LTBP3: variants seen among roughly 807,000 people sequenced by gnomAD.
LTBP3 encodes latent-transforming growth factor beta-binding protein 3.
Under a neutral mutation model 159.7 loss-of-function variants are expected in LTBP3, and 97 were observed. The observed-to-expected ratio is 0.61, with a 90% CI of 0.52 to 0.72. The LOEUF is 0.72. Ranked by LOEUF, LTBP3 falls within the 30% of genes least tolerant of loss-of-function variation. The pLI is 0.00. For missense variants in LTBP3, 1,584 were observed against 1,864.3 expected (o/e 0.85, Z 2.77); for synonymous variants, 824 against 777.1 (o/e 1.06, Z -1.00).
rs1313451364 is a variant in LTBP3, at chr11:65,557,989, GCGCGCCCGGGCGGGGCGAGGGGCC to G, written c.-54_-31del. 2 of 1,117,276 alleles carry G rather than the reference GCGCGCCCGGGCGGGGCGAGGGGCC, an allele frequency of 1.8e-6. No individual in the cohort carries two copies. The highest frequency in any genetic ancestry group is 1.7e-5 in the African/African-American group (1 of 60,338). 69.2% of individuals were successfully genotyped at this position (1,117,276 alleles called of 1,614,324 possible). On this transcript the variant is annotated 5_prime_UTR_variant, in exon 1 of 28. Transcript: ENST00000301873. Reference sequence around the variant, plus strand: ...GGCCGCAGGACCCGGGGGAGGGGGGGCGCGCCCGGGCGGGGCGAGGGGCCCGCGCCCGAAGGGAGTAGAGGGCCG... The same window carrying G: ...GGCCGCAGGACCCGGGGGAGGGGGGGCGCGCCCGAAGGGAGTAGAGGGCCG...
At chr11:65,555,590 G>C (rs1467197963) in intron 1 of LTBP3, among the ~76,000 whole-genome samples, 3 of 152,148 alleles carry the variant, frequency 2.0e-5, no homozygotes, top group African/African-American at 7.2e-5. Flanking sequence ...CCTTATAGAG[G>C]GTGCTCTGGA....
rs1856610718 is a variant in LTBP3, at chr11:65,551,489, A to G, written c.1549-15T>C. 1 of 1,614,090 alleles carries G rather than the reference A, an allele frequency of 6.2e-7. No homozygotes were observed. Among genetic ancestry groups the G allele is most frequent in the African/African-American group, 1.3e-5 (1 of 75,022 alleles). On this transcript the variant is annotated splice_polypyrimidine_tract_variant and intron_variant, in intron 9 of 27. Transcript: ENST00000301873. The stretch of plus-strand genomic sequence containing the variant: ...TCACTCACCGGCTGCGGGTGACAGC[A>G]GCATGAGCCCTCCTGTCCCTCGCCT...
chr11:65,544,179 T>C (rs1403688568), intron 16 of LTBP3: 3 of 162,676 alleles, frequency 1.8e-5, no homozygotes, highest in Non-Finnish European at 2.7e-5. Flanking sequence ...TTCCGTGACC[T>C]TCCCCTCACT....
intron 16 of LTBP3, chr11:65,543,947 C>T: frequency 3.1e-6 from 1 of 321,770 alleles, no homozygotes; most frequent in South Asian, 2.7e-5. Flanking sequence ...TTTCCTGAGG[C>T]CTCTCTGATG....
rs947582614 is a variant in LTBP3 at position 65,554,438 on chromosome 11, C to T, written c.332-58G>A. ...ACATCCTGTCTCTTTCCCCTCCTCC[C>T]TACTTCCTTGCCACCCACTGGCTCT... On this transcript the variant is annotated intron_variant, in intron 1 of 27. Transcript: ENST00000301873. This position sits in a 1 kb window ranked among gnomAD's most constrained non-coding sequence, Gnocchi z 5.3. The T allele has an allele frequency of 1.4e-6, 2 of 1,430,826 alleles. No individual in the cohort carries two copies. Among genetic ancestry groups the T allele is most frequent in the Non-Finnish European group, 1.9e-6 (2 of 1,040,732 alleles). The allele number at this position is 1,430,826 out of a possible 1,614,324, so 88.6% of individuals were successfully genotyped here. A position where few individuals can be genotyped will look rare whatever the true frequency, so the allele number is the denominator to read the frequency against.
rs770883202 is a variant in LTBP3 at position 65,552,737 on chromosome 11, T to C, written c.1186+123A>G. The C allele has an allele frequency of 7.0e-7, 1 of 1,419,304 alleles. No individual in the cohort carries two copies. Among genetic ancestry groups the C allele is most frequent in the East Asian group, 2.3e-5 (1 of 43,156 alleles). 87.9% of individuals were successfully genotyped at this position (1,419,304 alleles called of 1,614,324 possible). A position where few individuals can be genotyped will look rare whatever the true frequency, so the allele number is the denominator to read the frequency against. On this transcript the variant is annotated intron_variant, in intron 6 of 27. Coordinates refer to ENST00000301873, the MANE Select transcript of LTBP3 (RefSeq NM_001130144.3). The surrounding 1 kb of genome is among the most constrained non-coding windows in gnomAD (Gnocchi z 6.0). ...CGGACCCTGCTGATCCCTGATCCTA[T>C]TGGCTCTGGGCCTTGTTCCTCCTGC...
At chr11:65,541,006 CGT>C (rs757881790) in intron 20 of LTBP3, 52 bp from the exon 21 acceptor site, 1 of 1,592,154 alleles carries the variant, frequency 6.3e-7, no homozygotes, top group Non-Finnish European at 8.6e-7. Context: ...TGAGCGCGCG[CGT>C]GGGCTTAGGG....
In LTBP3 at chr11:65,551,767, G is replaced by T. The variant is rs982318249; in HGVS notation, c.1532-203C>A. 34 of 896,900 alleles carry T rather than the reference G, an allele frequency of 3.8e-5. No homozygotes were observed. The Middle Eastern group carries it at 1.0e-3, about 26-fold the overall frequency. The allele number at this position is 896,900 out of a possible 1,614,324, so 55.6% of individuals were successfully genotyped here. On this transcript the variant is annotated intron_variant, in intron 8 of 27. Coordinates refer to ENST00000301873, the MANE Select transcript of LTBP3 (RefSeq NM_001130144.3). ...TCAGGTTGAATGGCCTTGGGTTACAGGTCAGGCTGTAGAAGGCTTAGGAGG... is the reference window on the plus strand; with the variant it reads ...TCAGGTTGAATGGCCTTGGGTTACATGTCAGGCTGTAGAAGGCTTAGGAGG...
chr11:65,539,127 C>T lies in LTBP3; in HGVS notation c.3865G>A (p.Ala1289Thr), dbSNP rs1176379857. The T allele has an allele frequency of 1.0e-5, 15 of 1,479,882 alleles. No homozygotes were observed. The East Asian group carries it at 2.0e-4, about 20-fold the overall frequency. 91.7% of individuals were successfully genotyped at this position (1,479,882 alleles called of 1,614,324 possible). The change falls in exon 28 of 28, where the codon GCG becomes ACG. Residue 1289 changes from alanine to threonine, a missense_variant. Coordinates refer to ENST00000301873, the MANE Select transcript of LTBP3 (RefSeq NM_001130144.3). ...SFRCVCKAGF[A>T]RSRPHGACVP... ...CAGGCCCCGTGCGGGCGGCTGCGCG[C>T]GAAGCCGGCTTTGCAGACGCAGCGG...
At position 65,551,974 on chromosome 11, in the gene LTBP3, C is replaced by G; in HGVS notation, c.1529G>C (p.Arg510Thr). Residue 510 changes from arginine to threonine, a missense_variant and splice_region_variant, in exon 8 of 28, where the codon AGA (arginine) becomes ACA (threonine). This residue lies in a region of LTBP3 where 565 missense variants were observed against 677.7 expected (regional missense o/e 0.83). Transcript: ENST00000301873. Reference sequence around the variant, plus strand: ...GATCAGAAGGGGTCAGGCTAGACCTCTCTCTTCCTCTGTGTCCTCAGGTGG... The same window carrying G: ...GATCAGAAGGGGTCAGGCTAGACCTGTCTCTTCCTCTGTGTCCTCAGGTGG... ...APPPEDTEEE[R>T]GVTTDSPVSE... 2 of 1,613,986 alleles carry G rather than the reference C, an allele frequency of 1.2e-6. No individual in the cohort carries two copies. Among genetic ancestry groups the G allele is most frequent in the Non-Finnish European group, 1.7e-6 (2 of 1,180,000 alleles).
intron 18 of LTBP3, chr11:65,542,785 C>G (rs1354869578): frequency 1.3e-5 from 5 of 381,196 alleles, no homozygotes; most frequent in Non-Finnish European, 2.5e-5. Flanking sequence ...AAGAGCTTAA[C>G]AGAGTGCCTG....
At chr11:65,540,703 C>CGGGCGGGGCCTACATGAG in intron 21 of LTBP3, 89 bp from the exon 22 acceptor site, 3 of 1,243,478 alleles carry the variant, frequency 2.4e-6, no homozygotes, top group Non-Finnish European at 3.4e-6. Flanking sequence ...AAGCCATCCC[C>CGGGCGGGGCCTACATGAG]GGGCGGGGCC....
intron 18 of LTBP3, chr11:65,542,745 A>G (rs925392004): frequency 8.8e-6 from 3 of 340,588 alleles, no homozygotes; most frequent in Non-Finnish European, 1.7e-5. Context: ...GGGTGAGTTG[A>G]TGGGGAAGAC....
Position 65,552,766 on chromosome 11 carries a change from C to A in LTBP3, c.1186+94G>T. The stretch of plus-strand genomic sequence containing the variant: ...CTCTGGGCCTTGTTCCTCCTGCAGT[C>A]AACCCTTAACCCCACTCTGATCTCT... On this transcript the variant is annotated intron_variant, in intron 6 of 27. Transcript: ENST00000301873. The surrounding 1 kb of genome is among the most constrained non-coding windows in gnomAD (Gnocchi z 6.0). 1 of 1,585,542 alleles carries A rather than the reference C, an allele frequency of 6.3e-7. No homozygotes were observed. Among genetic ancestry groups the A allele is most frequent in the South Asian group, 1.1e-5 (1 of 89,612 alleles).
chr11:65,546,644 C>G lies in LTBP3; in HGVS notation c.2231-80G>C. The G allele has an allele frequency of 1.3e-6, 2 of 1,586,810 alleles. No homozygotes were observed. Among genetic ancestry groups the G allele is most frequent in the Non-Finnish European group, 1.7e-6 (2 of 1,174,602 alleles). ...ACCTCGCGGGGGTGTGGGTCTCTTC[C>G]CTGGAACGCGGGGTTGAGAGGGCAG... On this transcript the variant is annotated intron_variant, in intron 15 of 27. Transcript: ENST00000301873. This position sits in a 1 kb window ranked among gnomAD's most constrained non-coding sequence, Gnocchi z 4.0.
chr11:65,541,193 G>A lies in LTBP3; in HGVS notation c.2826C>T (p.Cys942=), dbSNP rs756457956. The change falls in exon 20 of 28, where the codon TGC becomes TGT. Residue 942 remains cysteine, a synonymous_variant. Coordinates refer to ENST00000301873, the MANE Select transcript of LTBP3 (RefSeq NM_001130144.3). ...CCCAGCCGGCCCCCAGAGAGCAGCA[G>A]CACTCCTGCTGGGTCACGTTGGTGG... ...VLATNVTQQE[C]CCSLGAGWGD... 1.2e-6 allele frequency: 2 copies of A among 1,613,788 alleles called. No individual in the cohort carries two copies. The highest frequency in any genetic ancestry group is 1.7e-6 in the Non-Finnish European group (2 of 1,179,996).
chr11:65,541,567 C>T, intron 19 of LTBP3, 33 bp downstream of exon 19: 2 of 1,613,920 alleles, frequency 1.2e-6, no homozygotes, highest in African/African-American at 2.7e-5. Context: ...GGGGAGTTGT[C>T]CAGTCCGAGG....
chr11:65,539,490 C>T (rs954327494), intron 26 of LTBP3, 31 bp from the exon 27 acceptor site: 2 of 1,589,796 alleles, frequency 1.3e-6, no homozygotes, highest in African/African-American at 1.3e-5. Flanking sequence ...TGGACTTCAA[C>T]ACTGAGCCCC....
At chr11:65,550,007 A>G (rs919582633) in intron 11 of LTBP3, among the ~76,000 whole-genome samples, 1 of 150,606 alleles carries the variant, frequency 6.6e-6, no homozygotes, top group African/African-American at 2.4e-5. Flanking sequence ...TTGAGGTGCT[A>G]GGGATATTGC....
Sources: allele counts gnomAD v4.1 joint callset (sites outside exome capture counted in the v4.1 genomes callset), GRCh38; gene constraint gnomAD v4.1.1; regional missense constraint gnomAD v4.1.1; non-coding constraint Gnocchi (gnomAD v3.1); transcripts MANE v1.5; gene names NCBI Gene and HGNC (gene_info 2026-07-23, HGNC 2026-07-21).